Variants in NBAS observed in about 807,000 individuals in gnomAD.
NBAS encodes NAG/BC035112 fusion.
In NBAS, 219 loss-of-function variants were observed where a neutral mutation model predicts 302.5. The observed-to-expected ratio is 0.72, with a 90% CI of 0.65 to 0.81. The LOEUF is 0.81. NBAS is among the 30% of genes least tolerant of loss of function. The pLI, the probability that NBAS is intolerant of heterozygous loss-of-function variation, is 0.00. For missense variants in NBAS, 2,932 were observed against 2,841.6 expected, an observed-to-expected ratio of 1.03 and a Z score of -0.72; for synonymous variants, 1,118 against 1,021.6, an observed-to-expected ratio of 1.09 and a Z score of -1.80.
intron 48 of NBAS, among the ~76,000 whole-genome samples, chr2:15,218,413 C>G (rs1175401924): frequency 6.6e-6 from 1 of 152,110 alleles, no homozygotes; most frequent in Non-Finnish European, 1.5e-5. Context: ...AAGAACTGAC[C>G]TCCAACTATT....
chr2:14,962,432 T>C, the NBAS span, among the ~76,000 whole-genome samples: 2 of 152,190 alleles, frequency 1.3e-5, no homozygotes, highest in Admixed American at 6.5e-5. Context: ...GAAATTTCAA[T>C]GGATAGGAGA....
intron 44 of NBAS, among the ~76,000 whole-genome samples, chr2:15,263,626 A>C (rs1668946357): frequency 6.6e-6 from 1 of 152,174 alleles, no homozygotes; most frequent in African/African-American, 2.4e-5. Flanking sequence ...AAAACTGCTA[A>C]ATATGTCTTG....
At chr2:14,805,501 C>T in the NBAS span, among the ~76,000 whole-genome samples, 4 of 152,168 alleles carry the variant, frequency 2.6e-5, no homozygotes, top group South Asian at 8.3e-4. Context: ...TATGGCCTAT[C>T]TTTTAAGTAG....
At chr2:15,537,351 A>C (rs1012824243) in intron 7 of NBAS, among the ~76,000 whole-genome samples, 2 of 152,252 alleles carry the variant, frequency 1.3e-5, no homozygotes, top group Non-Finnish European at 2.9e-5. Flanking sequence ...AACAGACCTT[A>C]TTAAAATCCC....
intron 35 of NBAS, among the ~76,000 whole-genome samples, chr2:15,345,560 C>G (rs1043680111): frequency 7.9e-5 from 12 of 152,058 alleles, no homozygotes; most frequent in African/African-American, 2.9e-4. Context: ...ATCAATGTAT[C>G]GTGAAAGTGG....
At chr2:15,323,879 A>G (rs1175135425) in intron 38 of NBAS, among the ~76,000 whole-genome samples, 2 of 146,798 alleles carry the variant, frequency 1.4e-5, no homozygotes, top group Non-Finnish European at 3.0e-5. Context: ...AAACAAAACA[A>G]AAAAACCCGG....
chr2:15,468,482 G>A lies in NBAS; in HGVS notation c.1777C>T (p.Pro593Ser), dbSNP rs1327090386. 17 of 1,613,848 alleles carry A rather than the reference G, an allele frequency of 1.1e-5. No homozygotes were observed. The highest frequency in any genetic ancestry group is 1.4e-5 in the Non-Finnish European group (16 of 1,179,954). ...WVLHECLERV[P>S]ENVDAAKELL... ...TCTTTTGCAGCATCCACATTTTCAG[G>A]AACTCTTTCCAAACACTCATGGAGA... The change falls in exon 17 of 52, where the codon CCT (proline) becomes TCT (serine). Residue 593 changes from proline to serine, a missense_variant. Transcript: ENST00000281513.
At chr2:15,079,417 A>C in the NBAS span, among the ~76,000 whole-genome samples, 1 of 152,056 alleles carries the variant, frequency 6.6e-6, no homozygotes, top group East Asian at 1.9e-4. Context: ...CATCATCACT[A>C]TCACTTTCAG....
chr2:15,103,835 T>C, the NBAS span, among the ~76,000 whole-genome samples: 1 of 152,182 alleles, frequency 6.6e-6, no homozygotes, highest in African/African-American at 2.4e-5. Context: ...TTCTATCACA[T>C]GGCTAAAGGA....
the NBAS span, among the ~76,000 whole-genome samples, chr2:15,149,112 C>T: frequency 4.6e-5 from 7 of 152,276 alleles, no homozygotes; most frequent in East Asian, 5.8e-4. Flanking sequence ...CTCAATGTAA[C>T]GGTGTTGAGA....
chr2:15,293,817 A>C (rs1670427611), intron 40 of NBAS, among the ~76,000 whole-genome samples: 1 of 152,170 alleles, frequency 6.6e-6, no homozygotes, highest in South Asian at 2.1e-4. Context: ...TGATCCTATT[A>C]AGGAACAATC....
chr2:15,472,200 G>A (rs576781288), intron 16 of NBAS, among the ~76,000 whole-genome samples: 178 of 152,294 alleles, frequency 1.2e-3, no homozygotes, highest in Non-Finnish European at 2.1e-3. Flanking sequence ...CACTGCAAAG[G>A]AAGAGGCTCT....
chr2:14,781,200 G>T, the NBAS span, among the ~76,000 whole-genome samples: 1 of 152,190 alleles, frequency 6.6e-6, no homozygotes, highest in South Asian at 2.1e-4. Flanking sequence ...GGTATTCCAT[G>T]AGATTTCCAT....
the NBAS span, among the ~76,000 whole-genome samples, chr2:14,957,941 G>C: frequency 5.9e-3 from 898 of 152,252 alleles, 13 homozygotes; most frequent in African/African-American, 0.021. Context: ...TGGCAGATTT[G>C]GGATGGAAAC....
At chr2:15,022,335 A>G in the NBAS span, among the ~76,000 whole-genome samples, 3 of 152,174 alleles carry the variant, frequency 2.0e-5, no homozygotes, top group Admixed American at 6.5e-5. Context: ...TCTCTTCACT[A>G]CTATCTAAGA....
chr2:14,952,591 C>T, the NBAS span, among the ~76,000 whole-genome samples: 11 of 152,324 alleles, frequency 7.2e-5, no homozygotes, highest in South Asian at 6.2e-4. Flanking sequence ...CACGTTCATT[C>T]GGCCAGCCTG....
chr2:14,901,481 G>A, the NBAS span, among the ~76,000 whole-genome samples: 1 of 151,608 alleles, frequency 6.6e-6, no homozygotes, highest in African/African-American at 2.4e-5. Flanking sequence ...AGTGGTAAAA[G>A]AGCTAAAGAG....
intron 30 of NBAS, among the ~76,000 whole-genome samples, chr2:15,375,972 TAAGA>T (rs1221150346): frequency 6.6e-6 from 1 of 152,112 alleles, no homozygotes; most frequent in Non-Finnish European, 1.5e-5. Context: ...ATTCATGATT[TAAGA>T]AAGAAGAGGT....
intron 19 of NBAS, among the ~76,000 whole-genome samples, chr2:15,463,463 G>A (rs1057336421): frequency 1.3e-5 from 2 of 152,020 alleles, no homozygotes; most frequent in Non-Finnish European, 2.9e-5. Context: ...ATACTAAGTG[G>A]TATTTTAACT....
Sources: gnomAD v4.1 joint callset for allele counts (sites outside exome capture counted in the v4.1 genomes callset) on GRCh38, gnomAD v4.1.1 for gene constraint, MANE v1.5 for transcripts, NCBI Gene and HGNC (gene_info 2026-07-23, HGNC 2026-07-21) for gene names.